The following ARID1A variants were observed in gnomAD, a reference collection of about 807,000 sequenced individuals.
ARID1A encodes the protein AT-rich interactive domain-containing protein 1A.
ARID1A carries 20 observed loss-of-function variants against 212.6 expected under a neutral mutation model. The observed-to-expected ratio is 0.09, with a 90% confidence interval of 0.07 to 0.14. ARID1A has a LOEUF of 0.14. Ranked by LOEUF, ARID1A falls within the 10% of genes least tolerant of loss-of-function variation. The pLI is 1.00. For missense variants in ARID1A, 2,587 were observed against 3,059.0 expected (o/e 0.85, Z 3.64); for synonymous variants, 1,376 against 1,222.1 (o/e 1.13, Z -2.63).
At chr1:26,700,111 T>C (rs576764805) in intron 1 of ARID1A, among the ~76,000 whole-genome samples, 2 of 152,348 alleles carry the variant, frequency 1.3e-5, no homozygotes, top group East Asian at 3.9e-4. Flanking sequence ...TAAGAGACAG[T>C]GCAGCTTCCA....
chr1:26,774,415 G>T lies in ARID1A; in HGVS notation c.4188G>T (p.Gly1396=), dbSNP rs2081114192. 6.2e-7 allele frequency: 1 copy of T among 1,612,654 alleles called. No individual in the cohort carries two copies. Among genetic ancestry groups the T allele is most frequent in the Non-Finnish European group, 8.5e-7 (1 of 1,179,232 alleles). ...TGTACAGCGTGCCATACAGCACTGG[G>T]CAGGGGCAGCCTCAGCAGCAGCAGT... is the stretch of plus-strand genomic sequence containing the variant. ...GEMYSVPYST[G]QGQPQQQQLP... Residue 1396 remains glycine (G), a synonymous_variant, in exon 18 of 20, where the codon GGG becomes GGT. Transcript: ENST00000324856. The surrounding 1 kb of genome is among the most constrained non-coding windows in gnomAD (Gnocchi z 5.6).
At chr1:26,699,017 G>A (rs1050586853) in intron 1 of ARID1A, among the ~76,000 whole-genome samples, 1 of 152,138 alleles carries the variant, frequency 6.6e-6, no homozygotes, top group Admixed American at 6.5e-5. Context: ...TGTCTTTCAT[G>A]ATCTTGAGGG....
At position 26,780,109 on chromosome 1, in the gene ARID1A, T is replaced by C. The variant is rs2124146852; in HGVS notation, c.6211T>C (p.Leu2071=). 1.9e-6 allele frequency: 3 copies of C among 1,614,128 alleles called. No homozygotes were observed. Among genetic ancestry groups the C allele is most frequent in the South Asian group, 1.1e-5 (1 of 91,074 alleles). The change falls in exon 20 of 20, where the codon TTG becomes CTG. Residue 2071 remains leucine (L), a synonymous_variant. Transcript: ENST00000324856. The surrounding 1 kb of genome is among the most constrained non-coding windows in gnomAD (Gnocchi z 7.2). ...LVTLANISGQ[L]DLSPYPESIC... ...TACACTCGCCAACATCTCGGGGCAG[T>C]TGGACCTATCTCCATACCCCGAGAG...
rs200572766 is a variant in ARID1A, at chr1:26,731,398, C to G, written c.1597C>G (p.Pro533Ala). Residue 533 changes from proline to alanine, a missense_variant, in exon 3 of 20, where the codon CCA becomes GCA. Physicochemically the swap from Pro to Ala is conservative, Grantham distance 27. Coordinates refer to ENST00000324856, the MANE Select transcript of ARID1A (RefSeq NM_006015.6). ...SQPPHQQSPA[P>A]YPSQQSTTQQ... is the part of the protein sequence containing the mutation. Reference sequence around the variant, plus strand: ...GCCTCCACATCAGCAGTCCCCGGCTCCATACCCCTCCCAGCAGTCGACGAC... The same window carrying G: ...GCCTCCACATCAGCAGTCCCCGGCTGCATACCCCTCCCAGCAGTCGACGAC... The G allele has an allele frequency of 8.7e-6, 14 of 1,613,956 alleles. No homozygotes were observed. Among genetic ancestry groups the G allele is most frequent in the Non-Finnish European group, 1.2e-5 (14 of 1,179,984 alleles).
Position 26,781,933 on chromosome 1 carries a change from A to T in ARID1A, c.*1177A>T, listed in dbSNP as rs1426400378. ...GTTCTGATGAAGAAACACAATTGAG[A>T]TTTTTTCAGTGATAAAATCTGCATA... On this transcript the variant is annotated 3_prime_UTR_variant, in exon 20 of 20. Coordinates refer to ENST00000324856, the MANE Select transcript of ARID1A (RefSeq NM_006015.6). The T allele has an allele frequency of 2.6e-5, 6 of 233,508 alleles. No individual in the cohort carries two copies. The highest frequency in any genetic ancestry group is 5.1e-5 in the Non-Finnish European group (6 of 118,034). The allele number at this position is 233,508 out of a possible 1,614,324, so 14.5% of individuals were successfully genotyped here.
At position 26,696,399 on chromosome 1, in the gene ARID1A, G is replaced by T; in HGVS notation, c.-5G>T. 1 of 1,273,186 alleles carries T rather than the reference G, an allele frequency of 7.9e-7. No homozygotes were observed. Among genetic ancestry groups the T allele is most frequent in the Non-Finnish European group, 9.9e-7 (1 of 1,012,830 alleles). 78.9% of individuals were successfully genotyped at this position (1,273,186 alleles called of 1,614,324 possible). A position where few individuals can be genotyped will look rare whatever the true frequency, so the allele number is the denominator to read the frequency against. ...GGTCTCTCCGCGGACGAGACAGCGG[G>T]GATCATGGCCGCGCAGGTCGCCCCC... On this transcript the variant is annotated 5_prime_UTR_variant, in exon 1 of 20. Coordinates refer to ENST00000324856, the MANE Select transcript of ARID1A (RefSeq NM_006015.6).
At chr1:26,751,062 C>T (rs1032488816) in intron 4 of ARID1A, among the ~76,000 whole-genome samples, 1 of 151,922 alleles carries the variant, frequency 6.6e-6, no homozygotes, top group Non-Finnish European at 1.5e-5. Context: ...CGAGACCAAC[C>T]TGATCAACAT....
intron 4 of ARID1A, among the ~76,000 whole-genome samples, chr1:26,737,279 G>C (rs1170657876): frequency 6.6e-6 from 1 of 152,078 alleles, no homozygotes; most frequent in Non-Finnish European, 1.5e-5. Flanking sequence ...AACATGCCCA[G>C]CTAATTTTTG....
intron 4 of ARID1A, among the ~76,000 whole-genome samples, chr1:26,743,998 T>C (rs2080813584): frequency 6.6e-6 from 1 of 152,126 alleles, no homozygotes; most frequent in Admixed American, 6.5e-5. Flanking sequence ...CTGTTTTCTT[T>C]ATAGCTGACC....
chr1:26,758,274 G>A (rs886781409), intron 4 of ARID1A, among the ~76,000 whole-genome samples: 2 of 152,108 alleles, frequency 1.3e-5, no homozygotes, highest in Non-Finnish European at 2.9e-5. Flanking sequence ...GATGTCCATG[G>A]TATAACTTAG....
At chr1:26,732,822 A>C in intron 4 of ARID1A, 30 bp downstream of exon 4, 1 of 1,566,166 alleles carries the variant, frequency 6.4e-7, no homozygotes. Context: ...CTGAAAGGTG[A>C]TAGGGGCAGA....
chr1:26,697,709 C>T (rs757314621), intron 1 of ARID1A, among the ~76,000 whole-genome samples, 169 bp downstream of exon 1: 3 of 152,038 alleles, frequency 2.0e-5, no homozygotes, highest in African/African-American at 4.8e-5. Context: ...GTCTGCCTTC[C>T]TCTCCTTCCC....
At chr1:26,776,415 A>AG (rs1162884733) in intron 19 of ARID1A, among the ~76,000 whole-genome samples, 2 of 151,740 alleles carry the variant, frequency 1.3e-5, no homozygotes, top group Admixed American at 6.6e-5. Context: ...CTGGGACTAC[A>AG]GGCGCCCGCC....
chr1:26,716,203 CAA>C (rs111787612), intron 1 of ARID1A, among the ~76,000 whole-genome samples: 23 of 64,886 alleles, frequency 3.5e-4, no homozygotes, highest in African/African-American at 9.2e-4. Context: ...GATTCCGTCT[CAA>C]AAAAAAAAAA....
In ARID1A at chr1:26,779,013, C is replaced by G. The variant is rs2124136278; in HGVS notation, c.5125-10C>G. On this transcript the variant is annotated splice_polypyrimidine_tract_variant and intron_variant, in intron 19 of 19. Transcript: ENST00000324856. ...TCCCTTAATTTATTTCCTGTTCTTT[C>G]TCTTTTTAGCTCCCAGGGTTGCTAG... 1 of 1,498,020 alleles carries G rather than the reference C, an allele frequency of 6.7e-7. No homozygotes were observed. The highest frequency in any genetic ancestry group is 2.3e-5 in the East Asian group (1 of 43,688). 92.8% of individuals were successfully genotyped at this position (1,498,020 alleles called of 1,614,324 possible).
rs111787612 is a variant in ARID1A at position 26,716,203 on chromosome 1, CAAAAAAA to C, written c.1138-13437_1138-13431del. Among the ~76,000 whole-genome samples, 13 of 64,922 alleles carry C rather than the reference CAAAAAAA, an allele frequency of 2.0e-4. No individual in the cohort carries two copies. In the East Asian group the frequency reaches 2.7e-3, roughly 14 times the overall value. 42.6% of individuals were successfully genotyped at this position (64,922 alleles called of 152,430 possible). A position where few individuals can be genotyped will look rare whatever the true frequency, so the allele number is the denominator to read the frequency against. The stretch of plus-strand genomic sequence containing the variant: ...CCTGGGTAACAGCGAGATTCCGTCT[CAAAAAAA>C]AAAAAAAAAAGAAAAAGAAAAAAAC... On this transcript the variant is annotated intron_variant, in intron 1 of 19. Transcript: ENST00000324856.
chr1:26,762,968 C>G lies in ARID1A; in HGVS notation c.2420-5C>G, dbSNP rs1165997615. 1 of 1,577,392 alleles carries G rather than the reference C, an allele frequency of 6.3e-7. No homozygotes were observed. Among genetic ancestry groups the G allele is most frequent in the Non-Finnish European group, 8.7e-7 (1 of 1,153,242 alleles). On this transcript the variant is annotated splice_region_variant and splice_polypyrimidine_tract_variant and intron_variant, in intron 7 of 19. Transcript: ENST00000324856. ...TAACCAAGTCTTGTCTTCCTCCCCTCCCAGGTGGCTACCCCAGGCAGCCAA... is the reference window on the plus strand; with the variant it reads ...TAACCAAGTCTTGTCTTCCTCCCCTGCCAGGTGGCTACCCCAGGCAGCCAA...
At chr1:26,777,562 C>T (rs1570619478) in intron 19 of ARID1A, among the ~76,000 whole-genome samples, 1 of 151,882 alleles carries the variant, frequency 6.6e-6, no homozygotes, top group Admixed American at 6.6e-5. Context: ...TTTATAGAGG[C>T]AGGGTCTCAC....
chr1:26,771,473 C>T lies in ARID1A; in HGVS notation c.3406+147C>T. The T allele has an allele frequency of 1.2e-6, 1 of 857,616 alleles. No individual in the cohort carries two copies. Among genetic ancestry groups the T allele is most frequent in the Admixed American group, 2.8e-5 (1 of 35,422 alleles). The allele number at this position is 857,616 out of a possible 1,614,324, so 53.1% of individuals were successfully genotyped here. A position where few individuals can be genotyped will look rare whatever the true frequency, so the allele number is the denominator to read the frequency against. On this transcript the variant is annotated intron_variant, in intron 12 of 19. Transcript: ENST00000324856. The surrounding 1 kb of genome is among the most constrained non-coding windows in gnomAD (Gnocchi z 5.4). Reference sequence around the variant, plus strand: ...CCTACCACAGGGCTTAACAGGTTGGCTGACTAGAGAGTGGGCAGTGGAAAC... The same window carrying T: ...CCTACCACAGGGCTTAACAGGTTGGTTGACTAGAGAGTGGGCAGTGGAAAC...
Sources: allele counts gnomAD v4.1 joint callset (sites outside exome capture counted in the v4.1 genomes callset), GRCh38; gene constraint gnomAD v4.1.1; non-coding constraint Gnocchi (gnomAD v3.1); transcripts MANE v1.5; gene names NCBI Gene and HGNC (gene_info 2026-07-23, HGNC 2026-07-21).